PREP: variants seen among roughly 807,000 people sequenced by gnomAD.
PREP encodes dJ355L5.1 (prolyl endopeptidase).
PREP carries 29 observed loss-of-function variants against 87.6 expected under a neutral mutation model. The ratio of observed to expected loss-of-function variants is 0.33; its 90% CI spans 0.25 to 0.45. PREP has a LOEUF of 0.45. Among genes scored for constraint, PREP ranks in the 20% least tolerant of loss-of-function variants. The pLI is 1.00. For synonymous variants in PREP, 337 were observed against 328.6 expected (o/e 1.03, Z -0.28); for missense variants, 695 against 886.5 (o/e 0.78, Z 2.74).
chr6:105,326,327 C>T (rs983853005), intron 9 of PREP, among the ~76,000 whole-genome samples: 2 of 152,168 alleles, frequency 1.3e-5, no homozygotes, highest in Non-Finnish European at 2.9e-5. Context: ...GGTTCAACCA[C>T]TAAGTGGTTT....
At chr6:105,392,608 G>A (rs9480552) in intron 2 of PREP, among the ~76,000 whole-genome samples, 2,482 of 151,994 alleles carry the variant, frequency 0.016, 79 homozygotes, top group African/African-American at 0.057. Flanking sequence ...ACAGAGTCTC[G>A]TTCTGTCACC....
intron 7 of PREP, among the ~76,000 whole-genome samples, chr6:105,339,033 T>C (rs549641554): frequency 8.1e-4 from 123 of 152,092 alleles, no homozygotes; most frequent in African/African-American, 2.9e-3. Context: ...TTGAAGAGAG[T>C]AGTGGTTCTG....
At chr6:105,385,055 G>A (rs1247312046) in intron 2 of PREP, among the ~76,000 whole-genome samples, 7 of 152,100 alleles carry the variant, frequency 4.6e-5, no homozygotes, top group African/African-American at 1.4e-4. Context: ...TTTTCTGAAC[G>A]AGATGAGACT....
At position 105,273,966 on chromosome 6, in the gene PREP, C is replaced by CG. The variant is rs1219327244; in HGVS notation, c.*4177dup. On this transcript the variant is annotated 3_prime_UTR_variant, in exon 15 of 15. Coordinates refer to ENST00000652536, the MANE Select transcript of PREP (RefSeq NM_002726.5). ...CTTCCTGAAAGAGGCACCCTGACCT[C>CG]GACTCAAATAGCATTCCTTCTCACG... Among the ~76,000 whole-genome samples the CG allele has an allele frequency of 6.6e-6, 1 of 152,208 alleles. No individual in the cohort carries two copies. Among genetic ancestry groups the CG allele is most frequent in the East Asian group, 1.9e-4 (1 of 5,196 alleles).
At chr6:105,316,734 G>A (rs981772645) in intron 10 of PREP, among the ~76,000 whole-genome samples, 2 of 152,082 alleles carry the variant, frequency 1.3e-5, no homozygotes, top group African/African-American at 4.8e-5. Flanking sequence ...AAAATATTTA[G>A]TATTTAAAAC....
In PREP at chr6:105,277,279, T is replaced by C. The variant is rs950347870; in HGVS notation, c.*865A>G. ...TCTGACTGTAAGAAATGCTTGGATA[T>C]ATGTATCTGTTTGTTTGGATAATTT... On this transcript the variant is annotated 3_prime_UTR_variant, in exon 15 of 15. Coordinates refer to ENST00000652536, the MANE Select transcript of PREP (RefSeq NM_002726.5). Among the ~76,000 whole-genome samples the C allele has an allele frequency of 6.7e-6, 1 of 150,266 alleles. No individual in the cohort carries two copies. The highest frequency in any genetic ancestry group is 1.5e-5 in the Non-Finnish European group (1 of 67,896).
In PREP at chr6:105,278,435, G is replaced by T; in HGVS notation, c.1842C>A (p.Tyr614Ter). 6.2e-7 allele frequency: 1 copy of T among 1,606,366 alleles called. No homozygotes were observed. Among genetic ancestry groups the T allele is most frequent in the Non-Finnish European group, 8.5e-7 (1 of 1,173,584 alleles). The change falls in exon 15 of 15, where the codon TAC (tyrosine) becomes TAA (stop). Residue 614 changes from tyrosine to a stop codon, truncating the protein, a stop_gained. Transcript: ENST00000652536. LOFTEE classifies it high-confidence loss of function. This position sits in a 1 kb window ranked among gnomAD's most constrained non-coding sequence, Gnocchi z 4.2. ...SKQHFEWLVK[Y>*]SPLHNVKLPE... ...GTAACTTCACATTATGCAATGGAGA[G>T]TATCTGGAAGGCAAAAACACCTTTG...
chr6:105,321,655 C>T lies in PREP; in HGVS notation c.1317+2010G>A, dbSNP rs768262978. 2.6e-5 allele frequency among the ~76,000 whole-genome samples: 4 copies of T among 152,096 alleles called. No homozygotes were observed. The South Asian group carries it at 6.2e-4, about 24-fold the overall frequency. On this transcript the variant is annotated intron_variant, in intron 10 of 14. Transcript: ENST00000652536. Reference sequence around the variant, plus strand: ...AAGCCATCTAATAGAGGAAACACCCCAATCATACTAAGCAGTAAGAGATAT... The same window carrying T: ...AAGCCATCTAATAGAGGAAACACCCTAATCATACTAAGCAGTAAGAGATAT...
chr6:105,402,353 T>C (rs1451692008), intron 1 of PREP, among the ~76,000 whole-genome samples: 4 of 152,116 alleles, frequency 2.6e-5, no homozygotes, highest in Admixed American at 6.5e-5. Flanking sequence ...CGAACGAATA[T>C]GCTTCAACTC....
chr6:105,381,100 C>G (rs1016311974), intron 2 of PREP, among the ~76,000 whole-genome samples: 1 of 152,138 alleles, frequency 6.6e-6, no homozygotes, highest in African/African-American at 2.4e-5. Flanking sequence ...TTAGTACATC[C>G]AATTTTGTCA....
In PREP at chr6:105,333,419, T is replaced by A. The variant is rs1226858743; in HGVS notation, c.910A>T (p.Thr304Ser). 1.2e-6 allele frequency: 2 copies of A among 1,614,184 alleles called. No homozygotes were observed. Among genetic ancestry groups the A allele is most frequent in the Admixed American group, 3.3e-5 (2 of 60,026 alleles). Residue 304 changes from threonine to serine, a missense_variant, in exon 8 of 15, where the codon ACG (threonine) becomes TCG (serine). Physicochemically the swap from Thr to Ser is moderately conservative, Grantham distance 58. Coordinates refer to ENST00000652536, the MANE Select transcript of PREP (RefSeq NM_002726.5). ...CGATAGTTGGGAGACTGGCGATTCG[T>A]CTTGAATGTGAACACCGTCCCCTCA... Reference protein sequence around the residue: ...TNEGTVFTFKTNRQSPNYRVI... With the variant: ...TNEGTVFTFKSNRQSPNYRVI...
chr6:105,388,937 A>G (rs1051796106), intron 2 of PREP, among the ~76,000 whole-genome samples: 20 of 152,340 alleles, frequency 1.3e-4, no homozygotes, highest in African/African-American at 4.8e-4. Context: ...TAGTTTCATC[A>G]CTACACTTGG....
Position 105,329,020 on chromosome 6 carries a change from A to G in PREP, c.1022T>C (p.Ile341Thr). Residue 341 changes from isoleucine to threonine, a missense_variant, in exon 9 of 15, where the codon ATA becomes ACA. By Grantham distance (89) the Ile-to-Thr change is moderately conservative. This residue lies in a region of PREP where 517 missense variants were observed against 620.3 expected (regional missense o/e 0.83). Coordinates refer to ENST00000652536, the MANE Select transcript of PREP (RefSeq NM_002726.5). ...PEHEKDVLEW[I>T]ACVRSNFLVL... The stretch of plus-strand genomic sequence containing the variant: ...CAAGAAGTTGGACCTGACACAAGCT[A>G]TCCATTCTGAAAGGATAAGAAGAGA... The G allele has an allele frequency of 6.2e-7, 1 of 1,613,236 alleles. No individual in the cohort carries two copies.
At chr6:105,329,543 G>C (rs1771265983) in intron 8 of PREP, among the ~76,000 whole-genome samples, 1 of 152,028 alleles carries the variant, frequency 6.6e-6, no homozygotes, top group Non-Finnish European at 1.5e-5. Flanking sequence ...AATACTCTTG[G>C]GCCAGGGGCT....
intron 6 of PREP, among the ~76,000 whole-genome samples, chr6:105,364,523 A>C (rs541770438): frequency 6.6e-6 from 1 of 152,278 alleles, no homozygotes; most frequent in South Asian, 2.1e-4. Context: ...CAAGCCAGAG[A>C]AATCTGCACA....
At chr6:105,350,401 G>A (rs75083351) in intron 7 of PREP, among the ~76,000 whole-genome samples, 6,081 of 151,968 alleles carry the variant, frequency 0.04, 309 homozygotes, top group East Asian at 0.17. Flanking sequence ...ATTTAGTGGC[G>A]GAGCTGAGAG....
At chr6:105,377,929 TAACA>T (rs1223589658) in intron 2 of PREP, among the ~76,000 whole-genome samples, 1 of 152,192 alleles carries the variant, frequency 6.6e-6, no homozygotes, top group Non-Finnish European at 1.5e-5. Flanking sequence ...TCCACGCTCC[TAACA>T]AACACACTAT....
chr6:105,353,184 T>A, intron 6 of PREP, 107 bp from the exon 7 acceptor site: 2 of 816,616 alleles, frequency 2.4e-6, no homozygotes, highest in Non-Finnish European at 3.9e-6. Flanking sequence ...AAAGGCAGTG[T>A]CTCTGCCCCA....
At chr6:105,322,112 A>G (rs17065802) in intron 10 of PREP, 10,846 of 198,896 alleles carry the variant, frequency 0.055, 312 homozygotes, top group Middle Eastern at 0.084. Context: ...ATGCCAGACT[A>G]AAAGTGAACA....
Sources: allele counts gnomAD v4.1 joint callset (sites outside exome capture counted in the v4.1 genomes callset), GRCh38; gene constraint gnomAD v4.1.1; regional missense constraint gnomAD v4.1.1; non-coding constraint Gnocchi (gnomAD v3.1); transcripts MANE v1.5; gene names NCBI Gene and HGNC (gene_info 2026-07-23, HGNC 2026-07-21).